TEX11: variants seen among roughly 807,000 people sequenced by gnomAD.
The protein encoded by TEX11 is testis-expressed protein 11.
In TEX11, 7 loss-of-function variants were observed where a neutral mutation model predicts 84.4. That is an observed-to-expected ratio of 0.08 (90% CI 0.05 to 0.16). The LOEUF is 0.16. Ranked by LOEUF, TEX11 falls within the 10% of genes least tolerant of loss-of-function variation. The pLI, the probability that TEX11 is intolerant of heterozygous loss-of-function variation, is 1.00. For missense variants in TEX11, 551 were observed against 660.5 expected, an observed-to-expected ratio of 0.83 and a Z score of 1.82; for synonymous variants, 264 against 222.8, an observed-to-expected ratio of 1.18 and a Z score of -1.64.
intron 13 of TEX11, among the ~76,000 whole-genome samples, chrX:70,683,629 C>A (rs1039791422): frequency 9.0e-6 from 1 of 111,312 alleles, no homozygotes; most frequent in Non-Finnish European, 1.9e-5. Flanking sequence ...CTGAAAAAAA[C>A]CCCAAAATCC....
chrX:70,672,056 A>G (rs1206688690), intron 15 of TEX11, among the ~76,000 whole-genome samples: 1 of 108,251 alleles, frequency 9.2e-6, no homozygotes, highest in Non-Finnish European at 1.9e-5. Flanking sequence ...ATAACTTTCT[A>G]TAACTATTAA....
intron 7 of TEX11, among the ~76,000 whole-genome samples, chrX:70,837,913 C>A (rs779404392): frequency 8.1e-5 from 9 of 111,691 alleles, no homozygotes; most frequent in Admixed American, 3.8e-4. Context: ...CACATGCAAA[C>A]ACACACAAGT....
chrX:70,711,624 G>A (rs971838041), intron 13 of TEX11, among the ~76,000 whole-genome samples: 2 of 111,768 alleles, frequency 1.8e-5, no homozygotes, highest in African/African-American at 6.5e-5. Context: ...TTGCCAACTT[G>A]TTGATGGGGT....
At chrX:70,629,361 A>C in intron 18 of TEX11, among the ~76,000 whole-genome samples, 1 of 112,174 alleles carries the variant, frequency 8.9e-6, no homozygotes, top group East Asian at 2.8e-4. Context: ...TTAAAAAATT[A>C]ATGTTTTGCT....
intron 9 of TEX11, among the ~76,000 whole-genome samples, chrX:70,752,246 T>C (rs2090831578): frequency 9.0e-6 from 1 of 111,348 alleles, no homozygotes; most frequent in African/African-American, 3.3e-5. Context: ...ATAGTAAGTA[T>C]AATAATAATC....
rs372353434 is a variant in TEX11, at chrX:70,791,655, C to T, written c.692+15050G>A. 2.2e-3 allele frequency among the ~76,000 whole-genome samples: 251 copies of T among 112,015 alleles called. 1 individual carries two copies. Among genetic ancestry groups the T allele is most frequent in the African/African-American group, 7.9e-3 (242 of 30,786 alleles). On this transcript the variant is annotated intron_variant, in intron 9 of 29. Transcript: ENST00000374333. ...TCAAACAAACTGAAATCATACCAAG[C>T]ATACACTCAGACCACAGTGCAATAA... is the stretch of plus-strand genomic sequence containing the variant.
intron 9 of TEX11, among the ~76,000 whole-genome samples, chrX:70,778,482 CCTCA>C (rs1175986254): frequency 9.0e-6 from 1 of 110,873 alleles, no homozygotes; most frequent in African/African-American, 3.3e-5. Flanking sequence ...AAAAACAGGG[CCTCA>C]CTCTGTTACC....
intron 29 of TEX11, 51 bp from the exon 30 acceptor site, chrX:70,529,238 G>A: frequency 9.8e-7 from 1 of 1,020,373 alleles, no homozygotes; most frequent in Non-Finnish European, 1.4e-6. Flanking sequence ...AGAAATGTGG[G>A]AAAGCTTCCC....
intron 16 of TEX11, among the ~76,000 whole-genome samples, chrX:70,653,416 T>G (rs1201977600): frequency 8.9e-6 from 1 of 112,389 alleles, no homozygotes; most frequent in African/African-American, 3.2e-5. Flanking sequence ...AATATGCAGA[T>G]GGCAAATAAG....
intron 15 of TEX11, among the ~76,000 whole-genome samples, chrX:70,675,597 T>TTTCTC (rs977248184): frequency 9.2e-6 from 1 of 109,157 alleles, no homozygotes; most frequent in Non-Finnish European, 1.9e-5. Context: ...TCTCTTCTCG[T>TTTCTC]TTCTCTTCTC....
chrX:70,794,603 G>T (rs4844140), intron 9 of TEX11, among the ~76,000 whole-genome samples: 7,886 of 107,913 alleles, frequency 0.073, 488 homozygotes, highest in Admixed American at 0.28. Context: ...AGTAAACAGG[G>T]CTTGGTCTTG....
chrX:70,734,639 G>A (rs910274118), intron 11 of TEX11, among the ~76,000 whole-genome samples: 1 of 111,873 alleles, frequency 8.9e-6, no homozygotes, highest in South Asian at 3.7e-4. Context: ...TGTTTCCAAC[G>A]CAATTGCTAT....
intron 28 of TEX11, among the ~76,000 whole-genome samples, chrX:70,540,401 G>A (rs1286435902): frequency 9.0e-6 from 1 of 111,484 alleles, no homozygotes; most frequent in Non-Finnish European, 1.9e-5. Context: ...GTTTCATCTT[G>A]CAAAGCTAAA....
chrX:70,753,192 T>G (rs2090841540), intron 9 of TEX11, among the ~76,000 whole-genome samples: 1 of 13,669 alleles, frequency 7.3e-5, no homozygotes, highest in East Asian at 2.2e-3. Context: ...TCACCGGAAT[T>G]TGGGTGGGGG....
chrX:70,907,413 T>C (rs887934066), intron 2 of TEX11, among the ~76,000 whole-genome samples: 1 of 110,983 alleles, frequency 9.0e-6, no homozygotes, highest in African/African-American at 3.3e-5. Flanking sequence ...TTAGATTTTT[T>C]TTTTTTTTTT....
At chrX:70,881,791 C>T (rs747572090) in intron 2 of TEX11, among the ~76,000 whole-genome samples, 20 of 110,031 alleles carry the variant, frequency 1.8e-4, no homozygotes, top group African/African-American at 5.9e-4. Flanking sequence ...CCAATAAAGA[C>T]GTCACAAAGC....
At chrX:70,710,050 C>T (rs1350537835) in intron 13 of TEX11, among the ~76,000 whole-genome samples, 1 of 110,740 alleles carries the variant, frequency 9.0e-6, no homozygotes, top group African/African-American at 3.3e-5. Context: ...AATTCAAGAT[C>T]CCTTTGTTTA....
intron 4 of TEX11, among the ~76,000 whole-genome samples, chrX:70,863,075 C>T (rs747011601): frequency 9.0e-6 from 1 of 111,349 alleles, no homozygotes; most frequent in Non-Finnish European, 1.9e-5. Context: ...ATAGATACAA[C>T]TCCCATCACC....
chrX:70,661,624 C>T (rs1049811628), intron 16 of TEX11, among the ~76,000 whole-genome samples: 1 of 111,781 alleles, frequency 8.9e-6, no homozygotes, highest in Non-Finnish European at 1.9e-5. Context: ...GAGGCACCCC[C>T]CAGTAGGGGC....
Sources: gnomAD v4.1 joint callset for allele counts (sites outside exome capture counted in the v4.1 genomes callset) on GRCh38, gnomAD v4.1.1 for gene constraint, MANE v1.5 for transcripts, NCBI Gene and HGNC (gene_info 2026-07-23, HGNC 2026-07-21) for gene names.